GTF3C3: variants seen among roughly 807,000 people sequenced by gnomAD.
The protein encoded by GTF3C3 is general transcription factor IIIC subunit 3, also known as general transcription factor 3C polypeptide 3.
Under a neutral mutation model 105.2 loss-of-function variants are expected in GTF3C3, and 75 were observed. The observed-to-expected ratio is 0.71, with a 90% CI of 0.59 to 0.86. GTF3C3 has a LOEUF of 0.86. Ranked by LOEUF, GTF3C3 falls within the 40% of genes least tolerant of loss-of-function variation. The probability of loss-of-function intolerance (pLI) is 0.00; values close to 1 mark genes in which losing one functional copy is unlikely to be tolerated. For missense variants in GTF3C3, 856 were observed against 1,076.5 expected, an observed-to-expected ratio of 0.80 and a Z score of 2.87; for synonymous variants, 335 against 370.4, an observed-to-expected ratio of 0.90 and a Z score of 1.10.
intron 10 of GTF3C3, among the ~76,000 whole-genome samples, chr2:196,777,389 C>T (rs1261028744): frequency 6.6e-6 from 1 of 152,184 alleles, no homozygotes; most frequent in Non-Finnish European, 1.5e-5. Context: ...AGTGAGGTTA[C>T]TGGGCCCTAT....
At chr2:196,799,267 C>G in intron 1 of GTF3C3, 1 of 450,168 alleles carries the variant, frequency 2.2e-6, no homozygotes, top group South Asian at 3.1e-5. Context: ...GAAATAAAAA[C>G]GTAGTATTGG....
In GTF3C3 at chr2:196,776,363, T is replaced by C. The variant is rs1699259021; in HGVS notation, c.1593+64A>G. 6 of 1,331,194 alleles carry C rather than the reference T, an allele frequency of 4.5e-6. No homozygotes were observed. Among genetic ancestry groups the C allele is most frequent in the South Asian group, 3.8e-5 (3 of 78,954 alleles). The allele number at this position is 1,331,194 out of a possible 1,614,324, so 82.5% of individuals were successfully genotyped here. On this transcript the variant is annotated intron_variant, in intron 11 of 17. Transcript: ENST00000263956. The surrounding 1 kb of genome is among the most constrained non-coding windows in gnomAD (Gnocchi z 4.5). ...ATATAAGCTATAGAGACATCCTTAATGGAGGAGAAAGTTCTAAAATATAAT... is the reference window on the plus strand; with the variant it reads ...ATATAAGCTATAGAGACATCCTTAACGGAGGAGAAAGTTCTAAAATATAAT...
In GTF3C3 at chr2:196,789,375, A is replaced by G; in HGVS notation, c.728-6T>C. ...AGTAGGTTCATATTTAAGAGCTAAA[A>G]AGAAAGAAATACAAATTATTTACCA... On this transcript the variant is annotated splice_region_variant and splice_polypyrimidine_tract_variant and intron_variant, in intron 5 of 17. Coordinates refer to ENST00000263956, the MANE Select transcript of GTF3C3 (RefSeq NM_012086.5). The G allele has an allele frequency of 6.4e-7, 1 of 1,573,374 alleles. No homozygotes were observed. The highest frequency in any genetic ancestry group is 1.7e-4 in the Middle Eastern group (1 of 5,862).
intron 3 of GTF3C3, chr2:196,791,702 GAAGC>G: frequency 2.9e-6 from 1 of 346,572 alleles, no homozygotes; most frequent in Non-Finnish European, 5.4e-6. Flanking sequence ...TTGGGAGGCT[GAAGC>G]AGGCGGATCA....
intron 6 of GTF3C3, among the ~76,000 whole-genome samples, chr2:196,787,971 C>CA (rs1187302492): frequency 6.6e-6 from 1 of 152,054 alleles, no homozygotes; most frequent in Non-Finnish European, 1.5e-5. Flanking sequence ...CACTCTTTCC[C>CA]AAAAAAGTAT....
chr2:196,782,002 C>A (rs187664022), intron 8 of GTF3C3, among the ~76,000 whole-genome samples: 3 of 152,296 alleles, frequency 2.0e-5, no homozygotes, highest in African/African-American at 7.2e-5. Flanking sequence ...TGTATGGGTT[C>A]TACATTCCAA....
chr2:196,783,862 T>A (rs766595626), intron 8 of GTF3C3, among the ~76,000 whole-genome samples: 1 of 152,172 alleles, frequency 6.6e-6, no homozygotes, highest in Non-Finnish European at 1.5e-5. Flanking sequence ...AATATCATAC[T>A]CATCTGCGTA....
At position 196,799,514 on chromosome 2, in the gene GTF3C3, TTCTCGCGGGTTTTTC is replaced by T. The variant is rs1699709577; in HGVS notation, c.83_97del (p.Arg28_Glu32del). On this transcript the variant is annotated inframe_deletion, in exon 1 of 18. Transcript: ENST00000263956. Reference sequence around the variant, plus strand: ...CGTGGCCTAGCATCGCCTCACTTTCTTCTCGCGGGTTTTTCTCTCTTCTCTCCGCCGTTCGAACTC... The same window carrying T: ...CGTGGCCTAGCATCGCCTCACTTTCTTCTCTTCTCTCCGCCGTTCGAACTC... 1 of 1,613,320 alleles carries T rather than the reference TTCTCGCGGGTTTTTC, an allele frequency of 6.2e-7. No individual in the cohort carries two copies.
At chr2:196,778,262 A>C (rs896340486) in intron 10 of GTF3C3, 2 of 152,220 alleles carry the variant, frequency 1.3e-5, no homozygotes, top group African/African-American at 4.8e-5. Flanking sequence ...TGTAAGAGCC[A>C]CTAGAGTTTT....
At chr2:196,781,357 A>AAAAAAAAAAAAAAAATATATATAT in intron 8 of GTF3C3, among the ~76,000 whole-genome samples, 2 of 18,822 alleles carry the variant, frequency 1.1e-4, no homozygotes, top group Non-Finnish European at 3.0e-4. Flanking sequence ...AAAAAAAAAA[A>AAAAAAAAAAAAAAAATATATATAT]ATATATATAT....
chr2:196,776,202 C>T lies in GTF3C3; in HGVS notation c.1594-91G>A. On this transcript the variant is annotated intron_variant, in intron 11 of 17. Coordinates refer to ENST00000263956, the MANE Select transcript of GTF3C3 (RefSeq NM_012086.5). The surrounding 1 kb of genome is among the most constrained non-coding windows in gnomAD (Gnocchi z 4.5). ...ATAGAAACATTTTTAAAAAAACAAA[C>T]CATATTGCTTTATGGTCTTTCACAA... 1.3e-6 allele frequency: 1 copy of T among 782,190 alleles called. No individual in the cohort carries two copies. The allele number at this position is 782,190 out of a possible 1,614,324, so 48.5% of individuals were successfully genotyped here.
chr2:196,778,127 T>C (rs939800471), intron 10 of GTF3C3: 10 of 152,242 alleles, frequency 6.6e-5, no homozygotes, highest in African/African-American at 1.7e-4. Flanking sequence ...TCTGTCATCA[T>C]ATAATACTTA....
chr2:196,780,327 T>C, intron 9 of GTF3C3: 1 of 1,115,664 alleles, frequency 9.0e-7, no homozygotes, highest in Non-Finnish European at 1.1e-6. Context: ...CAATCTCAAA[T>C]TATGATCTTT....
At chr2:196,792,821 A>G (rs1004521515) in intron 3 of GTF3C3, 135 bp downstream of exon 3, 2 of 660,968 alleles carry the variant, frequency 3.0e-6, no homozygotes, top group African/African-American at 3.7e-5. Context: ...GAAACATAAT[A>G]AACAAATAAC....
At chr2:196,779,132 T>G in intron 9 of GTF3C3, 65 bp from the exon 10 acceptor site, 1 of 749,430 alleles carries the variant, frequency 1.3e-6, no homozygotes, top group African/African-American at 1.9e-5. Context: ...ATCTATAGCT[T>G]TTTTTTTTTT....
In GTF3C3 at chr2:196,793,157, GAA is replaced by G. The variant is rs771880848; in HGVS notation, c.215-7_215-6del. On this transcript the variant is annotated splice_region_variant and splice_polypyrimidine_tract_variant and intron_variant, in intron 2 of 17. Transcript: ENST00000263956. Reference sequence around the variant, plus strand: ...TCACTCCATCTGATGTTTCTCCTGAGAAAAGAGACATTGATGGGGGAGGGGTG... The same window carrying G: ...TCACTCCATCTGATGTTTCTCCTGAGAAGAGACATTGATGGGGGAGGGGTG... The G allele has an allele frequency of 1.3e-6, 2 of 1,584,490 alleles. No individual in the cohort carries two copies. Among genetic ancestry groups the G allele is most frequent in the Admixed American group, 3.5e-5 (2 of 56,898 alleles).
chr2:196,782,270 G>A (rs1333550993), intron 8 of GTF3C3, among the ~76,000 whole-genome samples: 2 of 152,164 alleles, frequency 1.3e-5, no homozygotes, highest in Non-Finnish European at 2.9e-5. Context: ...CAAATCTGCT[G>A]GTGCCCTGGA....
intron 4 of GTF3C3, 149 bp from the exon 5 acceptor site, chr2:196,790,219 G>A (rs1699524147): frequency 2.2e-6 from 1 of 459,924 alleles, no homozygotes; most frequent in East Asian, 3.5e-5. Context: ...CTTAAGGCAA[G>A]TTGAAATAAA....
At position 196,769,996 on chromosome 2, in the gene GTF3C3, G is replaced by A. The variant is rs2125739266; in HGVS notation, c.2304C>T (p.Leu768=). Residue 768 remains leucine, a synonymous_variant, in exon 16 of 18, where the codon CTC becomes CTT. Coordinates refer to ENST00000263956, the MANE Select transcript of GTF3C3 (RefSeq NM_012086.5). ...AGGTTAGGCCTATACAGAAGCTATA[G>A]AGAGGTTCGTCAGGGTGAGTGCGAA... ...QAFRTHPDEP[L]YSFCIGLTFI... The A allele has an allele frequency of 1.3e-6, 2 of 1,584,256 alleles. No individual in the cohort carries two copies. The highest frequency in any genetic ancestry group is 1.7e-4 in the Middle Eastern group (1 of 5,908).
Sources: allele counts gnomAD v4.1 joint callset (sites outside exome capture counted in the v4.1 genomes callset), GRCh38; gene constraint gnomAD v4.1.1; non-coding constraint Gnocchi (gnomAD v3.1); transcripts MANE v1.5; gene names NCBI Gene and HGNC (gene_info 2026-07-23, HGNC 2026-07-21).